The following TP53I3 variants were observed in gnomAD, a reference collection of about 807,000 sequenced individuals.
TP53I3 encodes the protein quinone oxidoreductase PIG3.
In TP53I3, 32 loss-of-function variants were observed where a neutral mutation model predicts 27.7. That is an observed-to-expected ratio of 1.16 (90% CI 0.87 to 1.55). TP53I3 has a LOEUF of 1.55. TP53I3 is among the 40% of genes most tolerant of loss of function. TP53I3 has a pLI of 0.00. For missense variants in TP53I3, 372 were observed against 412.3 expected (o/e 0.90, Z 0.85); for synonymous variants, 138 against 167.8 (o/e 0.82, Z 1.37).
In TP53I3 at chr2:24,080,425, G is replaced by C. The variant is rs1278787550; in HGVS notation, c.619+394C>G. Among the ~76,000 whole-genome samples, 1 of 151,888 alleles carries C rather than the reference G, an allele frequency of 6.6e-6. No homozygotes were observed. The highest frequency in any genetic ancestry group is 1.5e-5 in the Non-Finnish European group (1 of 68,008). Reference sequence around the variant, plus strand: ...GACACGTCTGGCTTTGGAATACAGAGGTGTGCACATCTACTTACTCATTTA... The same window carrying C: ...GACACGTCTGGCTTTGGAATACAGACGTGTGCACATCTACTTACTCATTTA... On this transcript the variant is annotated intron_variant, in intron 3 of 4. Transcript: ENST00000238721. This position sits in a 1 kb window ranked among gnomAD's most constrained non-coding sequence, Gnocchi z 4.7.
Position 24,082,965 on chromosome 2 carries a change from A to G in TP53I3, c.326T>C (p.Ile109Thr), listed in dbSNP as rs1665073217. ...VTVPEGLLMP[I>T]PEGLTLTQAA... The stretch of plus-strand genomic sequence containing the variant: ...CTGGGTCAGGGTCAATCCCTCTGGG[A>G]TAGGCATGAGGAGCCCTTCGGGGAC... The change falls in exon 2 of 5, where the codon ATC (isoleucine) becomes ACC (threonine). Residue 109 changes from isoleucine to threonine, a missense_variant. Physicochemically the swap from Ile to Thr is moderately conservative, Grantham distance 89. Transcript: ENST00000238721. 1.2e-6 allele frequency: 2 copies of G among 1,614,152 alleles called. No homozygotes were observed. The highest frequency in any genetic ancestry group is 2.2e-5 in the East Asian group (1 of 44,878).
intron 2 of TP53I3, among the ~76,000 whole-genome samples, chr2:24,082,577 T>C (rs1433517231): frequency 1.3e-5 from 2 of 152,224 alleles, no homozygotes; most frequent in Non-Finnish European, 2.9e-5. Flanking sequence ...AATGAGTCAA[T>C]TGGTCCCTTC....
At chr2:24,083,487 G>A (rs924584970) in intron 1 of TP53I3, among the ~76,000 whole-genome samples, 4 of 152,112 alleles carry the variant, frequency 2.6e-5, no homozygotes, top group African/African-American at 7.2e-5. Flanking sequence ...TGCATCAAGC[G>A]CTAGGCTCTG....
At position 24,084,115 on chromosome 2, in the gene TP53I3, C is replaced by A; in HGVS notation, c.138+74G>T. On this transcript the variant is annotated intron_variant, in intron 1 of 4. Coordinates refer to ENST00000238721, the MANE Select transcript of TP53I3 (RefSeq NM_004881.5). This position sits in a 1 kb window ranked among gnomAD's most constrained non-coding sequence, Gnocchi z 8.4. ...AGCGGTGCACGCCTTCACGTCTGGT[C>A]AATGTCCACTGAGTGCTGTTGAGAG... The A allele has an allele frequency of 1.3e-6, 2 of 1,529,114 alleles. No homozygotes were observed. Among genetic ancestry groups the A allele is most frequent in the South Asian group, 2.5e-5 (2 of 80,098 alleles). 94.7% of individuals were successfully genotyped at this position (1,529,114 alleles called of 1,614,324 possible).
At chr2:24,079,881 C>G (rs1292394758) in intron 3 of TP53I3, among the ~76,000 whole-genome samples, 1 of 152,162 alleles carries the variant, frequency 6.6e-6, no homozygotes, top group East Asian at 1.9e-4. Context: ...GGCACCATGA[C>G]CTAGCGTCTC....
rs543525732 is a variant in TP53I3 at position 24,081,839 on chromosome 2, G to A, written c.407-808C>T. On this transcript the variant is annotated intron_variant, in intron 2 of 4. Coordinates refer to ENST00000238721, the MANE Select transcript of TP53I3 (RefSeq NM_004881.5). ...GCTTCCTGAGTAGCTGGGACTACAG[G>A]TGCCCACCACCACGCCCAGCTAATT... Among the ~76,000 whole-genome samples the A allele has an allele frequency of 1.4e-3, 205 of 151,740 alleles. 1 individual carries two copies. Among genetic ancestry groups the A allele is most frequent in the African/African-American group, 4.9e-3 (201 of 41,352 alleles).
Position 24,079,420 on chromosome 2 carries a change from GTTTTC to G in TP53I3, c.816+19_816+23del, listed in dbSNP as rs754012924. ...CACACTTTTCTGGGTTAAATCACAT[GTTTTC>G]TTTTCATTCATCACTCACCTTATTG... On this transcript the variant is annotated intron_variant, in intron 4 of 4. Transcript: ENST00000238721. 1 of 1,610,838 alleles carries G rather than the reference GTTTTC, an allele frequency of 6.2e-7. No homozygotes were observed. Among genetic ancestry groups the G allele is most frequent in the Non-Finnish European group, 8.5e-7 (1 of 1,177,816 alleles).
At chr2:24,079,884 A>C (rs995166635) in intron 3 of TP53I3, among the ~76,000 whole-genome samples, 3 of 152,216 alleles carry the variant, frequency 2.0e-5, no homozygotes, top group Admixed American at 2.0e-4. Flanking sequence ...ACCATGACCT[A>C]GCGTCTCCTG....
chr2:24,077,590 G>T lies in TP53I3; in HGVS notation c.988C>A (p.Leu330Met). 4 of 1,611,976 alleles carry T rather than the reference G, an allele frequency of 2.5e-6. No individual in the cohort carries two copies. Among genetic ancestry groups the T allele is most frequent in the Non-Finnish European group, 3.4e-6 (4 of 1,178,844 alleles). ...NKNIGKIVLE[L>M]PQ ...TGCCCCATCCTCCTTCACTGGGGCA[G>T]TTCCAGGACGATCTTGCCTATGTTC... Residue 330 changes from leucine (L) to methionine (M), a missense_variant, in exon 5 of 5, where the codon CTG (leucine) becomes ATG (methionine). Coordinates refer to ENST00000238721, the MANE Select transcript of TP53I3 (RefSeq NM_004881.5). This position sits in a 1 kb window ranked among gnomAD's most constrained non-coding sequence, Gnocchi z 5.5.
At chr2:24,082,627 TAAG>T (rs1026782118) in intron 2 of TP53I3, among the ~76,000 whole-genome samples, 56 of 152,332 alleles carry the variant, frequency 3.7e-4, no homozygotes, top group African/African-American at 1.3e-3. Context: ...AGTATGATTC[TAAG>T]AAGCTGGGAC....
chr2:24,081,146 C>T (rs2150984639), intron 2 of TP53I3, 115 bp from the exon 3 acceptor site: 1 of 181,782 alleles, frequency 5.5e-6, no homozygotes, highest in Non-Finnish European at 7.7e-6. Context: ...CAATCTTTTG[C>T]TTTTCCTTTT....
intron 2 of TP53I3, among the ~76,000 whole-genome samples, chr2:24,082,567 A>G (rs1665050459): frequency 6.6e-6 from 1 of 152,182 alleles, no homozygotes; most frequent in South Asian, 2.1e-4. Context: ...AGGAGGAATA[A>G]ATGAGTCAAT....
intron 2 of TP53I3, among the ~76,000 whole-genome samples, chr2:24,081,977 G>A (rs977323412): frequency 6.6e-6 from 1 of 151,256 alleles, no homozygotes. Flanking sequence ...TTACAGGCGT[G>A]AGCCACCACG....
Position 24,084,153 on chromosome 2 carries a change from G to T in TP53I3, c.138+36C>A, listed in dbSNP as rs970474997. 6.3e-7 allele frequency: 1 copy of T among 1,585,408 alleles called. No homozygotes were observed. ...GTGCTGTTGAGAGGGAGGCTCTGGAGTCCCGCCCGCCCCGGCGCGGCTGAG... is the reference window on the plus strand; with the variant it reads ...GTGCTGTTGAGAGGGAGGCTCTGGATTCCCGCCCGCCCCGGCGCGGCTGAG... On this transcript the variant is annotated intron_variant, in intron 1 of 4. Transcript: ENST00000238721. This position sits in a 1 kb window ranked among gnomAD's most constrained non-coding sequence, Gnocchi z 8.4.
Position 24,084,242 on chromosome 2 carries a change from C to T in TP53I3, c.85G>A (p.Glu29Lys), listed in dbSNP as rs1284158197. ...CTGGCCGCCACCTTCAGGAGGACTT[C>T]ACCCTCCCCCGGGCTCGGCTTGGCC... ...EVAKPSPGEGEVLLKVAASAL... is the reference protein window; with the variant it reads ...EVAKPSPGEGKVLLKVAASAL... The change falls in exon 1 of 5, where the codon GAA becomes AAA. Residue 29 changes from glutamate to lysine, a missense_variant. Transcript: ENST00000238721. The surrounding 1 kb of genome is among the most constrained non-coding windows in gnomAD (Gnocchi z 8.4). 3 of 1,614,092 alleles carry T rather than the reference C, an allele frequency of 1.9e-6. No homozygotes were observed. Among genetic ancestry groups the T allele is most frequent in the East Asian group, 2.2e-5 (1 of 44,876 alleles).
In TP53I3 at chr2:24,083,074, C is replaced by T. The variant is rs775061608; in HGVS notation, c.217G>A (p.Gly73Arg). The T allele has an allele frequency of 8.7e-6, 14 of 1,614,172 alleles. No individual in the cohort carries two copies. Among genetic ancestry groups the T allele is most frequent in the Non-Finnish European group, 1.2e-5 (14 of 1,180,034 alleles). ...TTCCAGTGTCCCTGGCAGCCAGGCC[C>T]CAGCTCTGCCACATGTCCAGATGCC... The part of the protein sequence containing the change: ...LEASGHVAEL[G>R]PGCQGHWKIG... Residue 73 changes from glycine (G) to arginine (R), a missense_variant, in exon 2 of 5, where the codon GGG (glycine) becomes AGG (arginine). Transcript: ENST00000238721.
intron 4 of TP53I3, 197 bp downstream of exon 4, chr2:24,079,247 T>C (rs1387386833): frequency 1.7e-6 from 1 of 585,054 alleles, no homozygotes; most frequent in African/African-American, 1.9e-5. Context: ...ACACTTCTTT[T>C]CATGATACTG....
At position 24,084,204 on chromosome 2, in the gene TP53I3, C is replaced by T; in HGVS notation, c.123G>A (p.Arg41=). The stretch of plus-strand genomic sequence containing the variant: ...CCCTGGGTACCTGCATTAAGTCCGC[C>T]CGGTTCAGGGCGCTGGCCGCCACCT... The part of the protein sequence containing the change: ...LLKVAASALN[R]ADLMQRQGQY... Residue 41 remains arginine, a synonymous_variant, in exon 1 of 5, where the codon CGG becomes CGA. Coordinates refer to ENST00000238721, the MANE Select transcript of TP53I3 (RefSeq NM_004881.5). The surrounding 1 kb of genome is among the most constrained non-coding windows in gnomAD (Gnocchi z 8.4). 1 of 1,613,252 alleles carries T rather than the reference C, an allele frequency of 6.2e-7. No homozygotes were observed. Among genetic ancestry groups the T allele is most frequent in the Admixed American group, 1.7e-5 (1 of 59,982 alleles).
intron 2 of TP53I3, among the ~76,000 whole-genome samples, chr2:24,081,329 A>G (rs1327867067): frequency 6.6e-6 from 1 of 152,166 alleles, no homozygotes; most frequent in Non-Finnish European, 1.5e-5. Flanking sequence ...AGCCACATCC[A>G]TAATCTCTAT....
Sources: allele counts gnomAD v4.1 joint callset (sites outside exome capture counted in the v4.1 genomes callset), GRCh38; gene constraint gnomAD v4.1.1; non-coding constraint Gnocchi (gnomAD v3.1); transcripts MANE v1.5; gene names NCBI Gene and HGNC (gene_info 2026-07-23, HGNC 2026-07-21).